CATSPERE: variants seen among roughly 807,000 people sequenced by gnomAD.
CATSPERE encodes the protein catsper channel auxiliary subunit epsilon.
Under a neutral mutation model 114.1 loss-of-function variants are expected in CATSPERE, and 93 were observed. That is an observed-to-expected ratio of 0.81 (90% CI 0.69 to 0.97). The LOEUF is 0.97. Ranked by LOEUF, CATSPERE falls within the 50% of genes least tolerant of loss-of-function variation. The pLI is 0.00. For missense variants in CATSPERE, 1,058 were observed against 1,131.6 expected, an observed-to-expected ratio of 0.93 and a Z score of 0.93; for synonymous variants, 341 against 384.1, an observed-to-expected ratio of 0.89 and a Z score of 1.31.
At chr1:244,471,795 G>T (rs757675988) in intron 2 of CATSPERE, among the ~76,000 whole-genome samples, 1 of 152,118 alleles carries the variant, frequency 6.6e-6, no homozygotes, top group Non-Finnish European at 1.5e-5. Flanking sequence ...GGCCATTTGG[G>T]TTATTTCCAA....
chr1:244,577,406 A>G (rs1392769946), intron 11 of CATSPERE, among the ~76,000 whole-genome samples: 1 of 152,210 alleles, frequency 6.6e-6, no homozygotes, highest in African/African-American at 2.4e-5. Flanking sequence ...TTGAATGAAA[A>G]TTATAAGAAA....
intron 2 of CATSPERE, among the ~76,000 whole-genome samples, chr1:244,474,933 G>C (rs966807985): frequency 6.0e-5 from 9 of 150,938 alleles, no homozygotes; most frequent in Non-Finnish European, 1.2e-4. Flanking sequence ...TTATAGAGAG[G>C]GGTCTCCCTA....
chr1:244,544,408 A>C (rs1470658721), intron 8 of CATSPERE, among the ~76,000 whole-genome samples: 1 of 152,208 alleles, frequency 6.6e-6, no homozygotes, highest in Admixed American at 6.6e-5. Flanking sequence ...GTTTTAACTT[A>C]GGCCTATCTC....
intron 8 of CATSPERE, among the ~76,000 whole-genome samples, chr1:244,549,811 A>G (rs12079281): frequency 0.12 from 18,739 of 152,164 alleles, 1,949 homozygotes; most frequent in African/African-American, 0.28. Context: ...ATAGCTGGTA[A>G]AACATTATTT....
At position 244,575,886 on chromosome 1, in the gene CATSPERE, T is replaced by A. The variant is rs1284298381; in HGVS notation, c.1950+3114T>A. On this transcript the variant is annotated intron_variant, in intron 11 of 21. Transcript: ENST00000366534. The surrounding 1 kb of genome is among the most constrained non-coding windows in gnomAD (Gnocchi z 4.5). ...GGTTCAGTCTCTCCCTAATGGGGATTTTTCACCTCTTTTTAACCTCTAAGA... is the reference window on the plus strand; with the variant it reads ...GGTTCAGTCTCTCCCTAATGGGGATATTTCACCTCTTTTTAACCTCTAAGA... Among the ~76,000 whole-genome samples the A allele has an allele frequency of 1.3e-5, 2 of 151,864 alleles. No individual in the cohort carries two copies. Among genetic ancestry groups the A allele is most frequent in the East Asian group, 3.9e-4 (2 of 5,150 alleles).
chr1:244,591,756 CTGAGTTTTA>C, intron 15 of CATSPERE, 25 bp downstream of exon 15: 1 of 1,399,692 alleles, frequency 7.1e-7, no homozygotes, highest in Non-Finnish European at 1.0e-6. Flanking sequence ...AACATAAGCA[CTGAGTTTTA>C]TATTAACGTA....
At chr1:244,599,922 A>C (rs2148663936) in intron 17 of CATSPERE, among the ~76,000 whole-genome samples, 1 of 152,314 alleles carries the variant, frequency 6.6e-6, no homozygotes, top group Admixed American at 6.5e-5. Flanking sequence ...ACAGGAATTT[A>C]CCTATAGAGA....
chr1:244,606,008 A>G (rs1669943052), intron 18 of CATSPERE, among the ~76,000 whole-genome samples: 1 of 152,196 alleles, frequency 6.6e-6, no homozygotes, highest in South Asian at 2.1e-4. Context: ...CAGAAAAAAA[A>G]TAACATTTAT....
chr1:244,492,402 T>C (rs1314119139), intron 6 of CATSPERE, among the ~76,000 whole-genome samples: 1 of 151,258 alleles, frequency 6.6e-6, no homozygotes, highest in African/African-American at 2.4e-5. Flanking sequence ...CAACCCTTCA[T>C]GCTAAAAACT....
chr1:244,471,238 TA>T (rs1235215420), intron 2 of CATSPERE, among the ~76,000 whole-genome samples: 1 of 152,238 alleles, frequency 6.6e-6, no homozygotes, highest in Non-Finnish European at 1.5e-5. Context: ...AATCATTCCT[TA>T]ATGTCATCAA....
intron 9 of CATSPERE, among the ~76,000 whole-genome samples, chr1:244,558,687 T>C (rs150198199): frequency 1.7e-3 from 254 of 152,310 alleles, no homozygotes; most frequent in African/African-American, 5.9e-3. Context: ...TAATTAACTT[T>C]ACTTTCTCAT....
At chr1:244,539,047 C>A (rs1680806879) in intron 8 of CATSPERE, among the ~76,000 whole-genome samples, 1 of 152,184 alleles carries the variant, frequency 6.6e-6, no homozygotes, top group South Asian at 2.1e-4. Flanking sequence ...CTTAAACCTT[C>A]CCCAGGCCAG....
At chr1:244,519,548 G>A (rs1284651637) in intron 8 of CATSPERE, among the ~76,000 whole-genome samples, 1 of 152,098 alleles carries the variant, frequency 6.6e-6, no homozygotes, top group Non-Finnish European at 1.5e-5. Context: ...TCCCAAAGCT[G>A]TGCACTTGAA....
chr1:244,593,418 C>G lies in CATSPERE; in HGVS notation c.2213C>G (p.Ser738Trp), dbSNP rs77232383. ...AGGTCATATCTGAGGCATCAGCCAT[C>G]GAAAAACTTGGTAAGAAAATGATAA... ...IEKSYLRHQP[S>W]KNLRVRYIWG... The change falls in exon 16 of 22, where the codon TCG becomes TGG. Residue 738 changes from serine to tryptophan, a missense_variant. Ser to Trp is a radical substitution (Grantham distance 177, BLOSUM62 -3). Transcript: ENST00000366534. The G allele has an allele frequency of 3.6e-4, 579 of 1,612,986 alleles. 1 individual carries two copies. In the African/African-American group the frequency reaches 5.6e-3, roughly 15 times the overall value.
At chr1:244,465,372 C>A (rs961861287) in intron 2 of CATSPERE, among the ~76,000 whole-genome samples, 1 of 152,154 alleles carries the variant, frequency 6.6e-6, no homozygotes, top group Non-Finnish European at 1.5e-5. Context: ...TTACCCTGAA[C>A]TGAAATGTTT....
chr1:244,591,636 T>C (rs759535844), intron 14 of CATSPERE, 45 bp from the exon 15 acceptor site: 12 of 1,196,714 alleles, frequency 1.0e-5, no homozygotes, highest in Non-Finnish European at 1.5e-5. Context: ...TTTGCAAATA[T>C]TTAAGAAATG....
At chr1:244,579,904 A>T (rs544832048) in intron 11 of CATSPERE, among the ~76,000 whole-genome samples, 1 of 152,302 alleles carries the variant, frequency 6.6e-6, no homozygotes, top group East Asian at 1.9e-4. Flanking sequence ...TCTTATGAGG[A>T]TTAAATGAGT....
intron 9 of CATSPERE, among the ~76,000 whole-genome samples, chr1:244,560,228 TG>T (rs770463958): frequency 3.3e-5 from 5 of 152,070 alleles, no homozygotes; most frequent in Non-Finnish European, 7.4e-5. Flanking sequence ...TGACTTCAAG[TG>T]ATTCTCCTGC....
Position 244,621,234 on chromosome 1 carries a change from T to TCTATATA in CATSPERE, c.2648+3548_2648+3549insCTATATA, listed in dbSNP as rs1558610745. ...TTATATATATATTTATATAAATATA[T>TCTATATA]TTATATAGATATATTTATATAGATA... On this transcript the variant is annotated intron_variant, in intron 20 of 21. Coordinates refer to ENST00000366534, the MANE Select transcript of CATSPERE (RefSeq NM_001130957.2). Among the ~76,000 whole-genome samples, 254 of 79,774 alleles carry TCTATATA rather than the reference T, an allele frequency of 3.2e-3. 10 individuals carry two copies. The highest frequency in any genetic ancestry group is 0.014 in the African/African-American group (244 of 18,062). The allele number at this position is 79,774 out of a possible 152,430, so 52.3% of individuals were successfully genotyped here. A position where few individuals can be genotyped will look rare whatever the true frequency, so the allele number is the denominator to read the frequency against.
Sources: gnomAD v4.1 joint callset for allele counts (sites outside exome capture counted in the v4.1 genomes callset) on GRCh38, gnomAD v4.1.1 for gene constraint, Gnocchi (gnomAD v3.1) non-coding constraint, MANE v1.5 for transcripts, NCBI Gene and HGNC (gene_info 2026-07-23, HGNC 2026-07-21) for gene names.